Variants in COMMD10 observed in about 807,000 individuals in gnomAD.
COMMD10 encodes COMM domain-containing protein 10.
In COMMD10, 33 loss-of-function variants were observed where a neutral mutation model predicts 28.9. That is an observed-to-expected ratio of 1.14 (90% confidence interval 0.87 to 1.53). The LOEUF (loss-of-function observed/expected upper bound fraction) is 1.53. COMMD10 is among the 40% of genes most tolerant of loss of function. The pLI is 0.00. For synonymous variants in COMMD10, 110 were observed against 81.7 expected (o/e 1.35, Z -1.87); for missense variants, 310 against 233.4 (o/e 1.33, Z -2.14).
chr5:116,203,246 G>T (rs1748719272), intron 5 of COMMD10, among the ~76,000 whole-genome samples: 1 of 152,116 alleles, frequency 6.6e-6, no homozygotes, highest in South Asian at 2.1e-4. Context: ...TATGTGAAAA[G>T]ACCAAATCTA....
intron 5 of COMMD10, among the ~76,000 whole-genome samples, chr5:116,290,962 A>G (rs1462737871): frequency 6.6e-6 from 1 of 152,212 alleles, no homozygotes; most frequent in Non-Finnish European, 1.5e-5. Flanking sequence ...GTAAAAGGAA[A>G]GAGAGTGTTT....
At chr5:116,206,948 ATGT>A (rs1748828910) in intron 5 of COMMD10, among the ~76,000 whole-genome samples, 1 of 149,862 alleles carries the variant, frequency 6.7e-6, no homozygotes, top group Admixed American at 6.8e-5. Flanking sequence ...GTAAACGGAA[ATGT>A]TGTATGAAAA....
intron 5 of COMMD10, among the ~76,000 whole-genome samples, chr5:116,233,621 C>G (rs1592916): frequency 3.9e-5 from 6 of 152,000 alleles, no homozygotes; most frequent in Admixed American, 3.9e-4. Flanking sequence ...TAAGGTGACA[C>G]TTGAGTAAAG....
chr5:116,110,475 G>A (rs772980094), intron 4 of COMMD10, among the ~76,000 whole-genome samples: 1 of 152,180 alleles, frequency 6.6e-6, no homozygotes, highest in Non-Finnish European at 1.5e-5. Flanking sequence ...GCAGAATTCA[G>A]CTGTGAATCC....
In COMMD10 at chr5:116,132,285, A is replaced by C. The variant is rs145167982; in HGVS notation, c.400-1783A>C. On this transcript the variant is annotated intron_variant, in intron 4 of 6. Transcript: ENST00000274458. ...GGTGTGCATGTTATTGGATATTATCAGTAACCCAGAAAAGTAGGTAGTTCA... is the reference window on the plus strand; with the variant it reads ...GGTGTGCATGTTATTGGATATTATCCGTAACCCAGAAAAGTAGGTAGTTCA... Among the ~76,000 whole-genome samples, 656 of 152,300 alleles carry C rather than the reference A, an allele frequency of 4.3e-3. 11 individuals carry two copies. The highest frequency in any genetic ancestry group is 2.0e-3 in the Non-Finnish European group (138 of 67,990).
intron 5 of COMMD10, among the ~76,000 whole-genome samples, chr5:116,211,547 A>G (rs58910196): frequency 0.37 from 56,826 of 151,958 alleles, 13,149 homozygotes; most frequent in African/African-American, 0.66. Flanking sequence ...GCAGTTCATC[A>G]TTGACCAAAA....
rs1020807258 is a variant in COMMD10, at chr5:116,265,207, C to T, written c.511-26310C>T. Among the ~76,000 whole-genome samples, 3 of 151,722 alleles carry T rather than the reference C, an allele frequency of 2.0e-5. 1 individual carries two copies. Among genetic ancestry groups the T allele is most frequent in the African/African-American group, 4.9e-5 (2 of 41,134 alleles). On this transcript the variant is annotated intron_variant, in intron 5 of 6. Coordinates refer to ENST00000274458, the MANE Select transcript of COMMD10 (RefSeq NM_016144.4). ...TGATGTGGGAAAGGAGGCCAACTCT[C>T]CACATGCTCTTTCTGCTAGAGCATA...
intron 5 of COMMD10, among the ~76,000 whole-genome samples, chr5:116,229,392 C>G (rs941089243): frequency 6.6e-6 from 1 of 152,050 alleles, no homozygotes; most frequent in East Asian, 1.9e-4. Flanking sequence ...ATAAAAAGAT[C>G]GAATTTACCT....
chr5:116,122,586 C>T (rs1183482577), intron 4 of COMMD10, among the ~76,000 whole-genome samples: 2 of 152,178 alleles, frequency 1.3e-5, no homozygotes, highest in African/African-American at 4.8e-5. Flanking sequence ...TGGCCATTTT[C>T]ATGATATTGA....
At chr5:116,197,053 A>G (rs1299998996) in intron 5 of COMMD10, among the ~76,000 whole-genome samples, 1 of 152,074 alleles carries the variant, frequency 6.6e-6, no homozygotes, top group Admixed American at 6.6e-5. Flanking sequence ...TAATCAAGAA[A>G]CTTTAGTGTT....
chr5:116,260,611 G>A (rs983134464), intron 5 of COMMD10, among the ~76,000 whole-genome samples: 2 of 151,828 alleles, frequency 1.3e-5, no homozygotes, highest in African/African-American at 4.9e-5. Context: ...GCAAGATTTA[G>A]TAAAAACAGA....
intron 5 of COMMD10, among the ~76,000 whole-genome samples, chr5:116,219,889 C>A (rs1749201015): frequency 6.6e-6 from 1 of 151,918 alleles, no homozygotes; most frequent in Non-Finnish European, 1.5e-5. Flanking sequence ...CTGCCTCTTT[C>A]TGGTATTTTT....
rs60188736 is a variant in COMMD10, at chr5:116,197,071, G to A, written c.510+62893G>A. 2.8e-3 allele frequency among the ~76,000 whole-genome samples: 420 copies of A among 150,734 alleles called. 3 individuals are homozygous for A. The highest frequency in any genetic ancestry group is 9.8e-3 in the African/African-American group (395 of 40,454). On this transcript the variant is annotated intron_variant, in intron 5 of 6. Transcript: ENST00000274458. ...TCAAGAAACTTTAGTGTTTCTGTCC[G>A]TTAAATATTTAAAATATTTTATTCT...
chr5:116,242,217 A>G (rs1396314685), intron 5 of COMMD10, among the ~76,000 whole-genome samples: 1 of 152,224 alleles, frequency 6.6e-6, no homozygotes, highest in African/African-American at 2.4e-5. Flanking sequence ...AGTAAGATTT[A>G]GGAAAAAAAA....
rs10064316 is a variant in COMMD10 at position 116,265,268 on chromosome 5, A to G, written c.511-26249A>G. On this transcript the variant is annotated intron_variant, in intron 5 of 6. Transcript: ENST00000274458. Reference sequence around the variant, plus strand: ...TATTGACTTTTTTTTCACTATCCCCAAAAGTCAGGATTTTTCATTAAGTTC... The same window carrying G: ...TATTGACTTTTTTTTCACTATCCCCGAAAGTCAGGATTTTTCATTAAGTTC... 8.4e-3 allele frequency among the ~76,000 whole-genome samples: 1,274 copies of G among 151,824 alleles called. 49 individuals carry two copies. Among genetic ancestry groups the G allele is most frequent in the African/African-American group, 0.029 (1,204 of 41,230 alleles).
rs760968773 is a variant in COMMD10, at chr5:116,291,497, G to T, written c.511-20G>T. The stretch of plus-strand genomic sequence containing the variant: ...AATTGTGTGCAACTACATTCTTTTT[G>T]TTGTTTTTCTTCCTTACAGAGCCTG... On this transcript the variant is annotated intron_variant, in intron 5 of 6. Transcript: ENST00000274458. 1.0e-5 allele frequency: 16 copies of T among 1,565,046 alleles called. No homozygotes were observed. In the African/African-American group the frequency reaches 1.1e-4, roughly 11 times the overall value.
Position 116,264,188 on chromosome 5 carries a change from G to A in COMMD10, c.511-27329G>A, listed in dbSNP as rs557527636. ...GAGCCATCTGGCTCTGCTTTCTCAG[G>A]TGTACATTCTTAGAGGAATTTTAGT... On this transcript the variant is annotated intron_variant, in intron 5 of 6. Transcript: ENST00000274458. Among the ~76,000 whole-genome samples the A allele has an allele frequency of 5.3e-5, 8 of 151,800 alleles. No individual in the cohort carries two copies. In the South Asian group the frequency reaches 1.0e-3, roughly 20 times the overall value.
rs566014624 is a variant in COMMD10, at chr5:116,127,670, G to A, written c.400-6398G>A. Among the ~76,000 whole-genome samples the A allele has an allele frequency of 2.6e-4, 39 of 152,186 alleles. 1 individual carries two copies. Among genetic ancestry groups the A allele is most frequent in the South Asian group, 1.2e-3 (6 of 4,818 alleles). ...AAACCATCATTCTGAGCAAATTATC[G>A]CAAGGACAGAAAACCAAACACTGCA... On this transcript the variant is annotated intron_variant, in intron 4 of 6. Coordinates refer to ENST00000274458, the MANE Select transcript of COMMD10 (RefSeq NM_016144.4).
chr5:116,119,473 C>A (rs1019869216), intron 4 of COMMD10, among the ~76,000 whole-genome samples: 1 of 152,146 alleles, frequency 6.6e-6, no homozygotes, highest in Non-Finnish European at 1.5e-5. Context: ...TAATGGGTAA[C>A]CCTGTTGGAG....
Sources: gnomAD v4.1 joint callset for allele counts (sites outside exome capture counted in the v4.1 genomes callset) on GRCh38, gnomAD v4.1.1 for gene constraint, MANE v1.5 for transcripts, NCBI Gene and HGNC (gene_info 2026-07-23, HGNC 2026-07-21) for gene names.